The following COL4A4 variants were observed in gnomAD, a reference collection of about 807,000 sequenced individuals.
COL4A4 encodes collagen alpha-4(IV) chain.
COL4A4 carries 105 observed loss-of-function variants against 192.9 expected under a neutral mutation model. The ratio of observed to expected loss-of-function variants is 0.54; its 90% CI spans 0.46 to 0.64. The LOEUF is 0.64. COL4A4 is among the 30% of genes least tolerant of loss of function. The probability of loss-of-function intolerance (pLI) is 0.00; values close to 1 mark genes in which losing one functional copy is unlikely to be tolerated. For synonymous variants in COL4A4, 762 were observed against 769.9 expected (o/e 0.99, Z 0.17); for missense variants, 1,967 against 2,169.3 (o/e 0.91, Z 1.85).
At chr2:227,106,590 T>C (rs1471426924) in intron 12 of COL4A4, among the ~76,000 whole-genome samples, 3 of 152,200 alleles carry the variant, frequency 2.0e-5, no homozygotes, top group African/African-American at 2.4e-5. Context: ...TTTTGAGACG[T>C]AGTCTCACTC....
chr2:227,064,004 G>T (rs575779812), intron 25 of COL4A4, among the ~76,000 whole-genome samples: 2 of 152,124 alleles, frequency 1.3e-5, no homozygotes, highest in East Asian at 3.9e-4. Context: ...AAGGTACAAG[G>T]TTTGAACAGT....
intron 22 of COL4A4, among the ~76,000 whole-genome samples, chr2:227,085,983 T>A (rs2059582714): frequency 6.6e-6 from 1 of 152,182 alleles, no homozygotes; most frequent in Admixed American, 6.6e-5. Flanking sequence ...AACAAGCCTC[T>A]AAGATGGTGT....
chr2:227,071,222 T>C (rs2058703383), intron 25 of COL4A4, among the ~76,000 whole-genome samples: 1 of 152,050 alleles, frequency 6.6e-6, no homozygotes, highest in African/African-American at 2.4e-5. Context: ...TCCATGCAGA[T>C]AGAAACCAAA....
In COL4A4 at chr2:227,083,011, T is replaced by C. The variant is rs932201700; in HGVS notation, c.1624-824A>G. 2.6e-5 allele frequency among the ~76,000 whole-genome samples: 4 copies of C among 152,134 alleles called. No homozygotes were observed. The East Asian group carries it at 5.8e-4, about 22-fold the overall frequency. On this transcript the variant is annotated intron_variant, in intron 22 of 47. Transcript: ENST00000396625. ...TGAGAGGCCAAGGAAGGCGGATCAC[T>C]TGAGGCCAAGAGTTCGAGACTAGCC...
At chr2:227,108,003 G>A (rs997919881) in intron 12 of COL4A4, among the ~76,000 whole-genome samples, 5 of 151,984 alleles carry the variant, frequency 3.3e-5, no homozygotes, top group African/African-American at 9.7e-5. Flanking sequence ...TGATCCACCC[G>A]CCTCAGCCTC....
At chr2:226,999,908 C>A (rs116383794), downstream of COL4A4, among the ~76,000 whole-genome samples, 212 of 152,312 alleles carry the variant, frequency 1.4e-3, no homozygotes, top group Non-Finnish European at 2.4e-3. Flanking sequence ...TGTGAAATTA[C>A]TGTGTCTTTC....
At chr2:227,134,343 A>G (rs760978258) in intron 4 of COL4A4, among the ~76,000 whole-genome samples, 6 of 152,198 alleles carry the variant, frequency 3.9e-5, no homozygotes, top group South Asian at 4.1e-4. Flanking sequence ...TGGAGGAGGA[A>G]GATATAGCAA....
chr2:227,082,298 C>T (rs1397020255), intron 22 of COL4A4, 111 bp from the exon 23 acceptor site: 13 of 1,036,152 alleles, frequency 1.3e-5, no homozygotes, highest in Non-Finnish European at 1.7e-5. Context: ...GTTAAAGATT[C>T]TAGCTTGGCA....
chr2:226,991,654 TCAA>T, the COL4A4 span, among the ~76,000 whole-genome samples: 1 of 152,164 alleles, frequency 6.6e-6, no homozygotes, highest in African/African-American at 2.4e-5. Flanking sequence ...TTCTAATCCT[TCAA>T]CAACCCAACA....
chr2:227,067,573 C>A (rs2058426327), intron 25 of COL4A4, among the ~76,000 whole-genome samples: 1 of 152,086 alleles, frequency 6.6e-6, no homozygotes, highest in African/African-American at 2.4e-5. Context: ...TCACTCAAAA[C>A]CACTCAACTA....
Position 227,054,672 on chromosome 2 carries a change from A to G in COL4A4, c.2782T>C (p.Cys928Arg), listed in dbSNP as rs1307409094. The G allele has an allele frequency of 1.2e-6, 2 of 1,614,242 alleles. No homozygotes were observed. The highest frequency in any genetic ancestry group is 1.7e-6 in the Non-Finnish European group (2 of 1,180,042). ...GERGKPGAEG[C>R]PGAKGEPGEK... ...CCAGGTTCTCCCTTTGCGCCAGGAC[A>G]TCCCTCTGCACCAGGCTTTCCTCTT... The change falls in exon 31 of 48, where the codon TGT becomes CGT. Residue 928 changes from cysteine to arginine, a missense_variant. Cys to Arg is a radical substitution (Grantham distance 180). Transcript: ENST00000396625.
At chr2:227,109,745 C>CA (rs1354853344) in intron 9 of COL4A4, among the ~76,000 whole-genome samples, 3,516 of 100,042 alleles carry the variant, frequency 0.035, 43 homozygotes, top group African/African-American at 0.058. Context: ...GACTCTGTCT[C>CA]AAAAAAAAAA....
At chr2:227,075,024 C>CA (rs928086134) in intron 25 of COL4A4, among the ~76,000 whole-genome samples, 1 of 151,792 alleles carries the variant, frequency 6.6e-6, no homozygotes, top group African/African-American at 2.4e-5. Flanking sequence ...GCCTACCAAC[C>CA]AAAAAAAGCC....
intron 22 of COL4A4, among the ~76,000 whole-genome samples, chr2:227,086,108 A>C (rs2059589275): frequency 6.6e-6 from 1 of 152,212 alleles, no homozygotes; most frequent in Non-Finnish European, 1.5e-5. Flanking sequence ...AGTGCCTTGC[A>C]CTAGAGCATC....
chr2:227,091,176 T>C (rs1297251849), intron 20 of COL4A4, among the ~76,000 whole-genome samples: 4 of 151,046 alleles, frequency 2.6e-5, no homozygotes, highest in Admixed American at 6.6e-5. Context: ...TGAGGGAGAG[T>C]ATTGCATCCC....
At chr2:227,133,385 C>T (rs1461856700) in intron 4 of COL4A4, among the ~76,000 whole-genome samples, 2 of 152,198 alleles carry the variant, frequency 1.3e-5, no homozygotes, top group African/African-American at 4.8e-5. Context: ...ATAAAAGCTT[C>T]TTTTCTCTCT....
At chr2:227,029,468 A>G (rs2149944606) in intron 41 of COL4A4, among the ~76,000 whole-genome samples, 1 of 152,362 alleles carries the variant, frequency 6.6e-6, no homozygotes, top group East Asian at 1.9e-4. Flanking sequence ...GCACTGCACA[A>G]TTCCACAGAT....
chr2:227,121,938 C>A (rs781395804), intron 4 of COL4A4, among the ~76,000 whole-genome samples: 1 of 152,218 alleles, frequency 6.6e-6, no homozygotes, highest in Non-Finnish European at 1.5e-5. Context: ...ACTGCCAGAT[C>A]TTTTATTTAC....
intron 3 of COL4A4, among the ~76,000 whole-genome samples, chr2:227,142,132 A>G (rs2063260194): frequency 6.6e-6 from 1 of 151,404 alleles, no homozygotes; most frequent in African/African-American, 2.4e-5. Context: ...GAATAGTCAC[A>G]TATCAAGGTT....
Sources: allele counts gnomAD v4.1 joint callset (sites outside exome capture counted in the v4.1 genomes callset), GRCh38; gene constraint gnomAD v4.1.1; transcripts MANE v1.5; gene names NCBI Gene and HGNC (gene_info 2026-07-23, HGNC 2026-07-21).